DLGAP5: variants seen among roughly 807,000 people sequenced by gnomAD.
DLGAP5 encodes the protein DLG associated protein 5.
In DLGAP5, 90 loss-of-function variants were observed where a neutral mutation model predicts 99.6. That is an observed-to-expected ratio of 0.90 (90% CI 0.76 to 1.08). The LOEUF (loss-of-function observed/expected upper bound fraction) is 1.08. Ranked by LOEUF, DLGAP5 falls within the 50% of genes least tolerant of loss-of-function variation. The probability of loss-of-function intolerance (pLI) is 0.00; values close to 1 mark genes in which losing one functional copy is unlikely to be tolerated. For missense variants in DLGAP5, 1,036 were observed against 983.5 expected (o/e 1.05, Z -0.71); for synonymous variants, 311 against 321.3 (o/e 0.97, Z 0.34).
intron 13 of DLGAP5, among the ~76,000 whole-genome samples, chr14:55,160,718 C>T (rs1296079227): frequency 6.6e-6 from 1 of 152,108 alleles, no homozygotes; most frequent in Non-Finnish European, 1.5e-5. Context: ...GCTGGGATTA[C>T]AGGCTTAAGC....
At chr14:55,154,519 T>C (rs1263927989) in intron 15 of DLGAP5, 98 bp downstream of exon 15, 1 of 1,010,008 alleles carries the variant, frequency 9.9e-7, no homozygotes. Flanking sequence ...TGAAATTTAT[T>C]AAAAATATAT....
In DLGAP5 at chr14:55,174,142, C is replaced by T. The variant is rs148504179; in HGVS notation, c.1301+1204G>A. ...AGGAACATCCCTGAGAAAGAGAATG[C>T]GCACCTGGGGGTGGGTCTCTTAACT... On this transcript the variant is annotated intron_variant, in intron 10 of 18. Transcript: ENST00000247191. 3.8e-3 allele frequency among the ~76,000 whole-genome samples: 577 copies of T among 152,274 alleles called. 1 individual carries two copies. The highest frequency in any genetic ancestry group is 4.6e-3 in the Non-Finnish European group (311 of 68,020).
intron 12 of DLGAP5, among the ~76,000 whole-genome samples, chr14:55,168,639 A>T (rs1327059541): frequency 6.6e-6 from 1 of 152,186 alleles, no homozygotes; most frequent in Non-Finnish European, 1.5e-5. Flanking sequence ...TGTTAGAATT[A>T]TATTTTGTAT....
At chr14:55,154,458 G>C (rs928671892) in intron 15 of DLGAP5, among the ~76,000 whole-genome samples, 159 bp downstream of exon 15, 4 of 152,100 alleles carry the variant, frequency 2.6e-5, no homozygotes, top group African/African-American at 9.7e-5. Context: ...TTAAGCTTTA[G>C]TTTCCTCATT....
intron 16 of DLGAP5, 137 bp from the exon 17 acceptor site, chr14:55,152,078 T>C (rs1192062474): frequency 2.5e-6 from 2 of 784,500 alleles, no homozygotes; most frequent in African/African-American, 3.5e-5. Context: ...TTATAAATCC[T>C]ACTATCCTGC....
In DLGAP5 at chr14:55,150,849, C is replaced by A; in HGVS notation, c.2369-1G>T. Reference sequence around the variant, plus strand: ...GTGAGACTTTTATTATCAAATAGTTCTGAAAAACAACAAAAAAAAACTTTT... The same window carrying A: ...GTGAGACTTTTATTATCAAATAGTTATGAAAAACAACAAAAAAAAACTTTT... On this transcript the variant is annotated splice_acceptor_variant, in intron 17 of 18. Coordinates refer to ENST00000247191, the MANE Select transcript of DLGAP5 (RefSeq NM_014750.5). LOFTEE classifies it high-confidence loss of function. 2 of 1,565,196 alleles carry A rather than the reference C, an allele frequency of 1.3e-6. No individual in the cohort carries two copies. The highest frequency in any genetic ancestry group is 1.2e-5 in the South Asian group (1 of 83,884).
chr14:55,175,386 C>G lies in DLGAP5; in HGVS notation c.1261G>C (p.Gly421Arg). ...CCATGGTGGGGCTGAGCAATTCGACCTTCATTTCTTTCAAGTGATGGGACT... is the reference window on the plus strand; with the variant it reads ...CCATGGTGGGGCTGAGCAATTCGACGTTCATTTCTTTCAAGTGATGGGACT... ...KEVPSLERNE[G>R]RIAQPHHGVP... Residue 421 changes from glycine to arginine, a missense_variant, in exon 10 of 19, where the codon GGT (glycine) becomes CGT (arginine). By Grantham distance (125) the Gly-to-Arg change is moderately radical. Transcript: ENST00000247191. 1 of 1,609,294 alleles carries G rather than the reference C, an allele frequency of 6.2e-7. No individual in the cohort carries two copies. The highest frequency in any genetic ancestry group is 8.5e-7 in the Non-Finnish European group (1 of 1,178,280).
chr14:55,150,995 A>C (rs1881997818), intron 17 of DLGAP5, 147 bp from the exon 18 acceptor site: 1 of 531,888 alleles, frequency 1.9e-6, no homozygotes, highest in Non-Finnish European at 3.3e-6. Flanking sequence ...ATGTTTTTTG[A>C]AAGTAGTTAA....
rs1458494543 is a variant in DLGAP5, at chr14:55,183,727, G to T, written c.265C>A (p.Gln89Lys). Reference protein sequence around the residue: ...PRAMKTILGDQRKQMLQKYKE... With the variant: ...PRAMKTILGDKRKQMLQKYKE... ...TATTTTTGGAGCATCTGTTTTCGTT[G>T]ATCACCTAGAATAGTTTTCATTGCC... The change falls in exon 3 of 19, where the codon CAA becomes AAA. Residue 89 changes from glutamine (Q) to lysine (K), a missense_variant. Transcript: ENST00000247191. 2.5e-6 allele frequency: 4 copies of T among 1,601,790 alleles called. No homozygotes were observed. Among genetic ancestry groups the T allele is most frequent in the Non-Finnish European group, 3.4e-6 (4 of 1,174,608 alleles).
At chr14:55,179,922 G>A (rs143991244) in intron 6 of DLGAP5, among the ~76,000 whole-genome samples, 16 of 152,104 alleles carry the variant, frequency 1.1e-4, no homozygotes, top group African/African-American at 3.9e-4. Context: ...ACCAAATACA[G>A]ATTGAGTATC....
intron 12 of DLGAP5, among the ~76,000 whole-genome samples, chr14:55,164,834 A>C (rs1296053509): frequency 6.6e-6 from 1 of 150,698 alleles, no homozygotes; most frequent in African/African-American, 2.5e-5. Flanking sequence ...AGGCATGAGA[A>C]TTGCTTGAAC....
intron 5 of DLGAP5, 133 bp from the exon 6 acceptor site, chr14:55,180,911 G>T: frequency 8.7e-7 from 1 of 1,144,818 alleles, no homozygotes; most frequent in African/African-American, 1.5e-5. Context: ...CAGCCCAGGA[G>T]TTCGAAACCA....
intron 3 of DLGAP5, among the ~76,000 whole-genome samples, chr14:55,182,792 A>G (rs1883319295): frequency 6.6e-6 from 1 of 152,098 alleles, no homozygotes; most frequent in South Asian, 2.1e-4. Context: ...ACTTTTTCAT[A>G]ATTTTATATA....
chr14:55,177,566 A>C (rs1883121019), intron 7 of DLGAP5, among the ~76,000 whole-genome samples: 1 of 150,436 alleles, frequency 6.6e-6, no homozygotes. Context: ...GATACGGAGT[A>C]GCCCTCCGTC....
chr14:55,170,752 G>A lies in DLGAP5; in HGVS notation c.1337C>T (p.Ser446Leu), dbSNP rs766971007. The A allele has an allele frequency of 1.1e-5, 17 of 1,613,680 alleles. No individual in the cohort carries two copies. In the South Asian group the frequency reaches 1.9e-4, roughly 18 times the overall value. Residue 446 changes from serine to leucine, a missense_variant, in exon 11 of 19, where the codon TCA becomes TTA. Transcript: ENST00000247191. ...ILQSETEKLTSHCFEWDRKLE... is the reference protein window; with the variant it reads ...ILQSETEKLTLHCFEWDRKLE... ...TTTCCTGTCCCACTCGAAGCAATGTGAAGTTAATTTCTCAGTTTCTGACTG... is the reference window on the plus strand; with the variant it reads ...TTTCCTGTCCCACTCGAAGCAATGTAAAGTTAATTTCTCAGTTTCTGACTG...
chr14:55,157,852 T>C (rs779119929), intron 14 of DLGAP5, among the ~76,000 whole-genome samples: 30 of 152,238 alleles, frequency 2.0e-4, no homozygotes, highest in Admixed American at 5.9e-4. Flanking sequence ...AACCTTGAAC[T>C]CCTGGGCTCA....
At chr14:55,175,746 C>T in intron 9 of DLGAP5, 148 bp downstream of exon 9, 3 of 700,340 alleles carry the variant, frequency 4.3e-6, no homozygotes, top group Non-Finnish European at 6.7e-6. Context: ...GAGTTCACAT[C>T]CCCAAATGAT....
chr14:55,150,791 A>G lies in DLGAP5; in HGVS notation c.2418+8T>C. 6.4e-7 allele frequency: 1 copy of G among 1,567,788 alleles called. No homozygotes were observed. The highest frequency in any genetic ancestry group is 8.6e-7 in the Non-Finnish European group (1 of 1,163,880). ...ATATAAAGGGACTTGTCAAGTTGGA[A>G]AACTTACTGAATCAAGAAGGTGGCA... On this transcript the variant is annotated splice_region_variant and intron_variant, in intron 18 of 18. Coordinates refer to ENST00000247191, the MANE Select transcript of DLGAP5 (RefSeq NM_014750.5).
intron 17 of DLGAP5, among the ~76,000 whole-genome samples, chr14:55,151,092 T>C (rs1882000603): frequency 6.6e-6 from 1 of 152,202 alleles, no homozygotes; most frequent in Non-Finnish European, 1.5e-5. Context: ...AAAATGCTGA[T>C]GAAGAACAGC....
Sources: gnomAD v4.1 joint callset for allele counts (sites outside exome capture counted in the v4.1 genomes callset) on GRCh38, gnomAD v4.1.1 for gene constraint, MANE v1.5 for transcripts, NCBI Gene and HGNC (gene_info 2026-07-23, HGNC 2026-07-21) for gene names.